Variants in ZNF600 observed in about 807,000 individuals in gnomAD.
The protein encoded by ZNF600 is zinc finger protein 600.
Under a neutral mutation model 7.3 loss-of-function variants are expected in ZNF600, and 4 were observed. The ratio of observed to expected loss-of-function variants is 0.55; its 90% confidence interval spans 0.27 to 1.25. The LOEUF is 1.25. Among genes scored for constraint, ZNF600 ranks in the 50% most tolerant of loss-of-function variants. The pLI is 0.12. For synonymous variants in ZNF600, 290 were observed against 308.9 expected, an observed-to-expected ratio of 0.94 and a Z score of 0.64; for missense variants, 911 against 922.1, an observed-to-expected ratio of 0.99 and a Z score of 0.16.
exon 4 of ZNF600, chr19:52,767,399 G>C: frequency 6.2e-7 from 1 of 1,614,122 alleles, no homozygotes; most frequent in Middle Eastern, 1.6e-4. Context: ...TTGAAACCGA[G>C]GGAGCATCAC....
chr19:52,816,138 A>C, the ZNF600 span, among the ~76,000 whole-genome samples: 3 of 147,348 alleles, frequency 2.0e-5, 1 homozygote, highest in Non-Finnish European at 4.4e-5. Context: ...GCCTTATGGC[A>C]AAGGGTCTAA....
At chr19:52,811,399 A>G in the ZNF600 span, among the ~76,000 whole-genome samples, 6 of 133,644 alleles carry the variant, frequency 4.5e-5, 1 homozygote, top group Admixed American at 3.6e-4. Flanking sequence ...CCCAGTCTGG[A>G]AAGTGAGGAG....
At chr19:52,800,225 A>G in the ZNF600 span, 1 of 1,612,100 alleles carries the variant, frequency 6.2e-7, no homozygotes, top group Middle Eastern at 1.7e-4. Flanking sequence ...GTTTATGATG[A>G]CATGCAAGGT....
chr19:52,799,814 G>T, the ZNF600 span: 1 of 1,613,542 alleles, frequency 6.2e-7, no homozygotes, highest in Non-Finnish European at 8.5e-7. Context: ...GCTGTGCAAG[G>T]TGTGCTTGTT....
At chr19:52,815,266 A>C in the ZNF600 span, among the ~76,000 whole-genome samples, 1 of 145,458 alleles carries the variant, frequency 6.9e-6, no homozygotes, top group Non-Finnish European at 1.5e-5. Flanking sequence ...CTGTAATCTC[A>C]GCACTTTGGG....
At chr19:52,772,374 A>G (rs538124125) in intron 3 of ZNF600, among the ~76,000 whole-genome samples, 1 of 152,218 alleles carries the variant, frequency 6.6e-6, no homozygotes, top group South Asian at 2.1e-4. Flanking sequence ...AGGCTCAGGC[A>G]GGTACATCAC....
intron 1 of ZNF600, chr19:52,781,451 C>T (rs553790536): frequency 1.3e-5 from 2 of 152,226 alleles, no homozygotes; most frequent in East Asian, 3.9e-4. Flanking sequence ...CAATAGGCTG[C>T]CTTGGTCTTC....
the ZNF600 span, among the ~76,000 whole-genome samples, chr19:52,818,736 A>C: frequency 6.6e-6 from 1 of 151,404 alleles, no homozygotes; most frequent in South Asian, 2.1e-4. Context: ...TACAAAAATT[A>C]GCAGGGTGTG....
the ZNF600 span, among the ~76,000 whole-genome samples, chr19:52,818,941 A>G: frequency 7.1e-6 from 1 of 141,480 alleles, no homozygotes; most frequent in Admixed American, 7.2e-5. Flanking sequence ...AGATAAGAAG[A>G]CTTGAGTAAT....
chr19:52,825,555 C>T, the ZNF600 span, among the ~76,000 whole-genome samples: 168 of 151,884 alleles, frequency 1.1e-3, 3 homozygotes, highest in South Asian at 2.7e-3. Context: ...ATACCTGTAA[C>T]ACAGCTACTC....
chr19:52,811,062 G>A, the ZNF600 span, among the ~76,000 whole-genome samples: 5 of 142,230 alleles, frequency 3.5e-5, no homozygotes, highest in African/African-American at 1.0e-4. Context: ...ACTGGTTTTC[G>A]TTTTTTTTTT....
the ZNF600 span, chr19:52,810,858 T>TCCCCCCC: frequency 2.2e-5 from 1 of 45,064 alleles, no homozygotes. Flanking sequence ...CCTCTCCCTC[T>TCCCCCCC]CCCCCTCCCC....
At chr19:52,806,901 TA>T in the ZNF600 span, among the ~76,000 whole-genome samples, 3 of 151,870 alleles carry the variant, frequency 2.0e-5, no homozygotes, top group South Asian at 2.1e-4. Context: ...GACTCTGTCA[TA>T]AAAAAAGAGA....
chr19:52,801,757 C>T, the ZNF600 span: 1 of 1,472,720 alleles, frequency 6.8e-7, no homozygotes, highest in Non-Finnish European at 9.2e-7. Context: ...GTGTATAATA[C>T]TGAAATGTGT....
At chr19:52,768,454 AG>A (rs2062606699) in intron 3 of ZNF600, among the ~76,000 whole-genome samples, 1 of 151,210 alleles carries the variant, frequency 6.6e-6, no homozygotes, top group African/African-American at 2.4e-5. Context: ...AAAAAAAAAA[AG>A]CAAAAAAAAA....
Position 52,780,906 on chromosome 19 carries a change from C to T in ZNF600, c.-19-1999G>A, listed in dbSNP as rs1219710077. The T allele has an allele frequency of 7.9e-5, 12 of 152,188 alleles. 1 individual carries two copies. The allele number at this position is 152,188 out of a possible 1,614,324, so 9.4% of individuals were successfully genotyped here. On this transcript the variant is annotated intron_variant, in intron 1 of 3. Coordinates refer to ENST00000648973, the Ensembl canonical transcript of ZNF600. The stretch of plus-strand genomic sequence containing the variant: ...CCGTTTCCGGAAGTACGTAGTCACC[C>T]TCATCTGAGATGTGCAGACTGCAAG...
the ZNF600 span, chr19:52,810,011 G>A: frequency 1.3e-6 from 1 of 752,642 alleles, no homozygotes; most frequent in Non-Finnish European, 2.4e-6. Flanking sequence ...AGCTGCTGTT[G>A]GAGCCGGAGC....
the ZNF600 span, among the ~76,000 whole-genome samples, chr19:52,820,582 GCTGTGCTTCTCCCT>G: frequency 2.6e-5 from 4 of 151,776 alleles, no homozygotes; most frequent in South Asian, 8.3e-4. Context: ...TGTCCTCCCC[GCTGTGCTTCTCCCT>G]CTGTTCTCCT....
chr19:52,808,172 G>A, the ZNF600 span: 4 of 1,610,052 alleles, frequency 2.5e-6, no homozygotes, highest in African/African-American at 2.7e-5. Flanking sequence ...GGTTATGGTG[G>A]AGTTCTTATC....
Sources: gnomAD v4.1 joint callset for allele counts (sites outside exome capture counted in the v4.1 genomes callset) on GRCh38, gnomAD v4.1.1 for gene constraint, MANE v1.5 for transcripts, NCBI Gene and HGNC (gene_info 2026-07-23, HGNC 2026-07-21) for gene names.